RIPOR2: variants seen among roughly 807,000 people sequenced by gnomAD.
RIPOR2 encodes RHO family interacting cell polarization regulator 2.
RIPOR2 carries 39 observed loss-of-function variants against 114.5 expected under a neutral mutation model. The observed-to-expected ratio is 0.34, with a 90% confidence interval of 0.26 to 0.44. The LOEUF is 0.44. Among genes scored for constraint, RIPOR2 ranks in the 20% least tolerant of loss-of-function variants. The pLI is 1.00. For missense variants in RIPOR2, 1,007 were observed against 1,255.1 expected, an observed-to-expected ratio of 0.80 and a Z score of 2.99; for synonymous variants, 445 against 484.4, an observed-to-expected ratio of 0.92 and a Z score of 1.07.
At chr6:25,030,004 C>T (rs567143825) in intron 1 of RIPOR2, among the ~76,000 whole-genome samples, 1 of 151,934 alleles carries the variant, frequency 6.6e-6, no homozygotes, top group South Asian at 2.1e-4. Context: ...CTCTTCAAAC[C>T]TAGTGGGACT....
chr6:24,932,439 C>CTCTT (rs58931616), intron 1 of RIPOR2, among the ~76,000 whole-genome samples: 17,481 of 151,970 alleles, frequency 0.12, 1,569 homozygotes, highest in African/African-American at 0.25. Flanking sequence ...CCTTTTCTTT[C>CTCTT]TGTCTCTCTT....
Position 25,006,390 on chromosome 6 carries a change from A to G in RIPOR2, c.76+35461T>C, listed in dbSNP as rs60355559. 2.6e-3 allele frequency among the ~76,000 whole-genome samples: 399 copies of G among 152,354 alleles called. 3 individuals carry two copies. Among genetic ancestry groups the G allele is most frequent in the African/African-American group, 9.0e-3 (375 of 41,576 alleles). On this transcript the variant is annotated intron_variant, in intron 1 of 13. Transcript: ENST00000510784. ...TCTTATAGTCTACAGGGGAAGATAG[A>G]TCTCAAACAAATAATTACTACTTTT...
upstream of RIPOR2, among the ~76,000 whole-genome samples, chr6:24,939,087 T>A (rs912434823): frequency 3.9e-5 from 6 of 152,166 alleles, no homozygotes; most frequent in African/African-American, 1.4e-4. Flanking sequence ...AATTCCTATA[T>A]CAACCCTAAG....
intron 1 of RIPOR2, among the ~76,000 whole-genome samples, chr6:24,927,180 C>CACCACCACAACTACA (rs1561782572): frequency 2.8e-4 from 21 of 73,976 alleles, no homozygotes; most frequent in East Asian, 1.8e-3. Flanking sequence ...TCACCACCAC[C>CACCACCACAACTACA]ATGACCACCA....
At position 24,873,713 on chromosome 6, in the gene RIPOR2, T is replaced by C; in HGVS notation, c.275A>G (p.Asn92Ser). ...KKMHNLGHKN[N>S]NPPKEPQPKR... is the part of the protein sequence containing the mutation. ...AGGCTGAGGCTCTTTGGGGGGATTG[T>C]TGTTTTTGTGGCCTAAATTGTGCAT... Residue 92 changes from asparagine (N) to serine (S), a missense_variant, in exon 3 of 22, where the codon AAC (asparagine) becomes AGC (serine). Transcript: ENST00000643898. 3.1e-6 allele frequency: 5 copies of C among 1,613,690 alleles called. No homozygotes were observed. The highest frequency in any genetic ancestry group is 4.2e-6 in the Non-Finnish European group (5 of 1,179,806).
At chr6:24,904,296 C>T (rs1768751390) in intron 1 of RIPOR2, among the ~76,000 whole-genome samples, 1 of 152,218 alleles carries the variant, frequency 6.6e-6, no homozygotes, top group South Asian at 2.1e-4. Context: ...AAATCTGTTT[C>T]CTTGCCCTTT....
intron 13 of RIPOR2, 49 bp downstream of exon 13, chr6:24,842,813 A>C: frequency 1.6e-5 from 18 of 1,134,600 alleles, no homozygotes; most frequent in Non-Finnish European, 2.1e-5. Flanking sequence ...ATGTTGGCTT[A>C]GGACACCTCT....
intron 1 of RIPOR2, among the ~76,000 whole-genome samples, chr6:24,987,047 A>G (rs1581916178): frequency 6.6e-6 from 1 of 152,200 alleles, no homozygotes; most frequent in African/African-American, 2.4e-5. Context: ...GGCTTGCTTT[A>G]GAGGATAGAA....
At chr6:24,867,845 T>C (rs539628659) in intron 6 of RIPOR2, among the ~76,000 whole-genome samples, 27 of 152,338 alleles carry the variant, frequency 1.8e-4, no homozygotes, top group African/African-American at 6.0e-4. Flanking sequence ...CAATTACATA[T>C]AATTTGTTAG....
chr6:24,895,122 G>A (rs1425767072), intron 1 of RIPOR2, among the ~76,000 whole-genome samples: 9 of 152,126 alleles, frequency 5.9e-5, no homozygotes, highest in Middle Eastern at 3.4e-3. Context: ...GCACCATCTC[G>A]GGTCACTGCA....
chr6:24,973,820 T>C (rs1309561371), intron 1 of RIPOR2, among the ~76,000 whole-genome samples: 1 of 152,152 alleles, frequency 6.6e-6, no homozygotes, highest in Non-Finnish European at 1.5e-5. Flanking sequence ...TGGAGGTCAT[T>C]ATCCTAAGTG....
intron 1 of RIPOR2, among the ~76,000 whole-genome samples, chr6:24,897,089 T>C (rs1386214882): frequency 6.6e-6 from 1 of 152,182 alleles, no homozygotes; most frequent in African/African-American, 2.4e-5. Flanking sequence ...CCATTCACAC[T>C]GTATATTTCT....
chr6:24,874,144 C>A (rs918847035), intron 2 of RIPOR2, among the ~76,000 whole-genome samples: 1 of 152,050 alleles, frequency 6.6e-6, no homozygotes, highest in African/African-American at 2.4e-5. Context: ...GGTCCTCCTG[C>A]CTCAGCCTCC....
chr6:25,032,187 G>GTTT (rs770986663), intron 1 of RIPOR2, among the ~76,000 whole-genome samples: 7 of 138,944 alleles, frequency 5.0e-5, no homozygotes, highest in East Asian at 2.1e-4. Flanking sequence ...CCTTTATGGT[G>GTTT]TTTTTTTTTT....
rs535252804 is a variant in RIPOR2 at position 24,844,390 on chromosome 6, T to G, written c.1165-836A>C. ...CAGCTCTCTTGTGCTGTGGTCTGTG[T>G]ATAATGCCTAAATGCCAAATGCTGC... is the stretch of plus-strand genomic sequence containing the variant. On this transcript the variant is annotated intron_variant, in intron 12 of 21. Coordinates refer to ENST00000643898, the MANE Select transcript of RIPOR2 (RefSeq NM_001286445.3). Among the ~76,000 whole-genome samples, 9 of 152,286 alleles carry G rather than the reference T, an allele frequency of 5.9e-5. No individual in the cohort carries two copies. The East Asian group carries it at 1.7e-3, about 29-fold the overall frequency.
chr6:24,918,192 C>G (rs1214896696), intron 1 of RIPOR2, among the ~76,000 whole-genome samples: 2 of 151,926 alleles, frequency 1.3e-5, no homozygotes, highest in African/African-American at 4.8e-5. Context: ...GCCCCAGTAT[C>G]CCCTGCATCC....
In RIPOR2 at chr6:24,865,371, G is replaced by T. The variant is rs1320693526; in HGVS notation, c.581C>A (p.Thr194Lys). 3 of 1,613,612 alleles carry T rather than the reference G, an allele frequency of 1.9e-6. No individual in the cohort carries two copies. The highest frequency in any genetic ancestry group is 2.5e-6 in the Non-Finnish European group (3 of 1,179,658). ...CCGGGCAGCTTTGCTGGCAGGGGAT[G>T]TTGCGAAGGCTTGCTTCATTTTGCT... ...GASKMKQAFA[T>K]SPASKAARES... The change falls in exon 7 of 22, where the codon ACA becomes AAA. Residue 194 changes from threonine to lysine, a missense_variant. Coordinates refer to ENST00000643898, the MANE Select transcript of RIPOR2 (RefSeq NM_001286445.3).
At chr6:24,972,677 ACT>A (rs979011761) in intron 1 of RIPOR2, among the ~76,000 whole-genome samples, 8 of 152,006 alleles carry the variant, frequency 5.3e-5, no homozygotes, top group African/African-American at 1.7e-4. Context: ...ATAACAAATA[ACT>A]CTCCAGGAAT....
intron 4 of RIPOR2, among the ~76,000 whole-genome samples, chr6:24,871,797 T>C (rs1336677508): frequency 6.6e-6 from 1 of 152,150 alleles, no homozygotes; most frequent in Non-Finnish European, 1.5e-5. Flanking sequence ...GAACATGAGG[T>C]CTTGGCAGAA....
Sources: gnomAD v4.1 joint callset for allele counts (sites outside exome capture counted in the v4.1 genomes callset) on GRCh38, gnomAD v4.1.1 for gene constraint, MANE v1.5 for transcripts, NCBI Gene and HGNC (gene_info 2026-07-23, HGNC 2026-07-21) for gene names.